Variants in STXBP6 observed in about 807,000 individuals in gnomAD.
STXBP6 encodes syntaxin binding protein 6, also known as syntaxin-binding protein 6.
Under a neutral mutation model 26.9 loss-of-function variants are expected in STXBP6, and 21 were observed. The ratio of observed to expected loss-of-function variants is 0.78; its 90% CI spans 0.55 to 1.12. STXBP6 has a LOEUF of 1.12. Ranked by LOEUF, STXBP6 falls within the 50% of genes most tolerant of loss-of-function variation. The probability of loss-of-function intolerance (pLI) is 0.00; values close to 1 mark genes in which losing one functional copy is unlikely to be tolerated. For missense variants in STXBP6, 232 were observed against 257.9 expected, an observed-to-expected ratio of 0.90 and a Z score of 0.69; for synonymous variants, 97 against 92.6, an observed-to-expected ratio of 1.05 and a Z score of -0.27.
At position 24,990,659 on chromosome 14, in the gene STXBP6, C is replaced by CAAAAAA. The variant is rs1211659589; in HGVS notation, c.-32-15815_-32-15810dup. Reference sequence around the variant, plus strand: ...GACATGAGTGAATGAAACTCCATCTCAAAAAAAAAAAAAAAAAAAAGATAA... The same window carrying CAAAAAA: ...GACATGAGTGAATGAAACTCCATCTCAAAAAAAAAAAAAAAAAAAAAAAAAAGATAA... On this transcript the variant is annotated intron_variant, in intron 1 of 5. Transcript: ENST00000323944. 5.1e-3 allele frequency among the ~76,000 whole-genome samples: 294 copies of CAAAAAA among 57,218 alleles called. 3 individuals are homozygous for CAAAAAA. Among genetic ancestry groups the CAAAAAA allele is most frequent in the East Asian group, 0.051 (82 of 1,610 alleles). The allele number at this position is 57,218 out of a possible 152,430, so 37.5% of individuals were successfully genotyped here. A position where few individuals can be genotyped will look rare whatever the true frequency, so the allele number is the denominator to read the frequency against.
chr14:25,024,819 A>G (rs999686683), intron 1 of STXBP6, among the ~76,000 whole-genome samples: 2 of 152,202 alleles, frequency 1.3e-5, no homozygotes, highest in South Asian at 4.1e-4. Flanking sequence ...ACAGTTGACT[A>G]TTAATTTTAA....
chr14:25,044,615 A>C (rs1256803730), intron 1 of STXBP6, among the ~76,000 whole-genome samples: 1 of 152,148 alleles, frequency 6.6e-6, no homozygotes, highest in Non-Finnish European at 1.5e-5. Flanking sequence ...AGAATCAAAA[A>C]ACTTTTTGTT....
chr14:24,838,174 C>G (rs1457573265), intron 4 of STXBP6, among the ~76,000 whole-genome samples: 1 of 152,200 alleles, frequency 6.6e-6, no homozygotes, highest in South Asian at 2.1e-4. Context: ...CTACTCCTGG[C>G]TAATTTTTGT....
intron 1 of STXBP6, among the ~76,000 whole-genome samples, chr14:24,978,824 A>T (rs1376704606): frequency 6.6e-6 from 1 of 152,222 alleles, no homozygotes. Flanking sequence ...GTAACTAGGA[A>T]ATAAGACCAT....
chr14:24,992,618 C>T (rs765464581), intron 1 of STXBP6, among the ~76,000 whole-genome samples: 12 of 152,102 alleles, frequency 7.9e-5, no homozygotes, highest in African/African-American at 1.2e-4. Context: ...GACGTCACTG[C>T]GTTCTAGTAA....
chr14:24,843,777 AAAC>A (rs1310252548), intron 4 of STXBP6, among the ~76,000 whole-genome samples: 1 of 152,220 alleles, frequency 6.6e-6, no homozygotes, highest in Non-Finnish European at 1.5e-5. Context: ...CAAGATTTAT[AAAC>A]AACATGTGAC....
At chr14:25,016,563 AC>A (rs1355454107) in intron 1 of STXBP6, among the ~76,000 whole-genome samples, 5 of 152,164 alleles carry the variant, frequency 3.3e-5, no homozygotes, top group African/African-American at 9.7e-5. Context: ...CTGAAAATCC[AC>A]GCCAAAAAGA....
At chr14:24,962,808 G>A (rs10132357) in intron 2 of STXBP6, among the ~76,000 whole-genome samples, 33,439 of 151,372 alleles carry the variant, frequency 0.22, 4,576 homozygotes, top group African/African-American at 0.39. Context: ...TTATCCACGT[G>A]TTCCTTAGTT....
At chr14:24,988,025 G>C in intron 1 of STXBP6, 1 of 272,412 alleles carries the variant, frequency 3.7e-6, no homozygotes, top group Non-Finnish European at 5.6e-6. Context: ...CAGCAGCTGA[G>C]AAGAAATCAA....
chr14:24,861,980 C>T (rs2069554954), intron 2 of STXBP6, among the ~76,000 whole-genome samples: 1 of 152,162 alleles, frequency 6.6e-6, no homozygotes, highest in Admixed American at 6.5e-5. Context: ...ACATGGGATA[C>T]TTAAATCTGC....
intron 2 of STXBP6, among the ~76,000 whole-genome samples, chr14:24,960,806 T>C (rs1224477118): frequency 3.3e-5 from 5 of 152,258 alleles, no homozygotes; most frequent in African/African-American, 7.2e-5. Flanking sequence ...AAATTGTTCT[T>C]GCATACAGAT....
chr14:24,974,459 G>A (rs1257799338), intron 2 of STXBP6, among the ~76,000 whole-genome samples: 2 of 152,146 alleles, frequency 1.3e-5, no homozygotes, highest in Non-Finnish European at 2.9e-5. Context: ...AAATACACCC[G>A]AATTGAACTT....
chr14:24,917,925 T>A (rs1012400065), intron 2 of STXBP6, among the ~76,000 whole-genome samples: 11 of 152,060 alleles, frequency 7.2e-5, no homozygotes, highest in African/African-American at 2.7e-4. Context: ...AGGAACACAG[T>A]CCTCAAGGTG....
At chr14:24,955,825 C>T (rs530286086) in intron 2 of STXBP6, among the ~76,000 whole-genome samples, 5 of 152,270 alleles carry the variant, frequency 3.3e-5, no homozygotes, top group South Asian at 2.1e-4. Flanking sequence ...GCACCTACTG[C>T]GTGCCAGGAA....
At chr14:24,950,943 A>G (rs1160552683) in intron 2 of STXBP6, among the ~76,000 whole-genome samples, 2 of 147,738 alleles carry the variant, frequency 1.4e-5, no homozygotes, top group African/African-American at 5.0e-5. Context: ...CCCTGTGTCC[A>G]TGTGTTCTCA....
intron 2 of STXBP6, among the ~76,000 whole-genome samples, chr14:24,932,525 AAAAT>A (rs1038547104): frequency 5.3e-5 from 8 of 152,142 alleles, no homozygotes; most frequent in African/African-American, 1.9e-4. Context: ...GTCTCTAAAA[AAAAT>A]AAATAAATAA....
Position 24,843,260 on chromosome 14 carries a change from A to G in STXBP6, c.451+12676T>C, listed in dbSNP as rs904708994. Among the ~76,000 whole-genome samples the G allele has an allele frequency of 6.6e-5, 10 of 152,330 alleles. 2 individuals are homozygous for G. Among genetic ancestry groups the G allele is most frequent in the Admixed American group, 5.2e-4 (8 of 15,300 alleles). The stretch of plus-strand genomic sequence containing the variant: ...TATGGTGACTATCAGTGTTATTAGC[A>G]TTCACAGGCTTTTTTCCTGGAAGGC... On this transcript the variant is annotated intron_variant, in intron 4 of 5. Coordinates refer to ENST00000323944, the MANE Select transcript of STXBP6 (RefSeq NM_001394410.1).
intron 2 of STXBP6, among the ~76,000 whole-genome samples, chr14:24,925,253 C>G (rs2072119889): frequency 6.6e-6 from 1 of 152,166 alleles, no homozygotes. Context: ...CTGCTCATTA[C>G]AAGATGCACA....
chr14:25,005,310 G>A (rs2074864243), intron 1 of STXBP6, among the ~76,000 whole-genome samples: 3 of 152,114 alleles, frequency 2.0e-5, no homozygotes, highest in Non-Finnish European at 4.4e-5. Flanking sequence ...TAACAATTAT[G>A]AGCAGACAAA....
Sources: allele counts gnomAD v4.1 joint callset (sites outside exome capture counted in the v4.1 genomes callset), GRCh38; gene constraint gnomAD v4.1.1; transcripts MANE v1.5; gene names NCBI Gene and HGNC (gene_info 2026-07-23, HGNC 2026-07-21).